Variants in TATDN2 observed in about 807,000 individuals in gnomAD.
TATDN2 encodes the protein 3'-5' RNA nuclease TATDN2.
In TATDN2, 44 loss-of-function variants were observed where a neutral mutation model predicts 60.3. That is an observed-to-expected ratio of 0.73 (90% CI 0.57 to 0.94). The LOEUF (loss-of-function observed/expected upper bound fraction) is 0.94. Among genes scored for constraint, TATDN2 ranks in the 40% least tolerant of loss-of-function variants. The pLI, the probability that TATDN2 is intolerant of heterozygous loss-of-function variation, is 0.00. For missense variants in TATDN2, 997 were observed against 948.0 expected, an observed-to-expected ratio of 1.05 and a Z score of -0.68; for synonymous variants, 399 against 355.8, an observed-to-expected ratio of 1.12 and a Z score of -1.37.
In TATDN2 at chr3:10,278,495, G is replaced by C; in HGVS notation, c.2145+33G>C. 6.2e-7 allele frequency: 1 copy of C among 1,603,316 alleles called. No individual in the cohort carries two copies. Among genetic ancestry groups the C allele is most frequent in the Non-Finnish European group, 8.5e-7 (1 of 1,172,236 alleles). ...GGTCTTCAGGCTGAGTGGAGGCACCGGAGGGAGAGGGTGGGGAGGTGGGTG... is the reference window on the plus strand; with the variant it reads ...GGTCTTCAGGCTGAGTGGAGGCACCCGAGGGAGAGGGTGGGGAGGTGGGTG... On this transcript the variant is annotated intron_variant, in intron 6 of 7. Coordinates refer to ENST00000448281, the MANE Select transcript of TATDN2 (RefSeq NM_014760.4). The surrounding 1 kb of genome is among the most constrained non-coding windows in gnomAD (Gnocchi z 4.7).
intron 4 of TATDN2, among the ~76,000 whole-genome samples, chr3:10,273,322 G>A (rs568966857): frequency 1.4e-4 from 21 of 148,036 alleles, no homozygotes; most frequent in Middle Eastern, 3.5e-3. Context: ...TAAAAAATTT[G>A]GCACCCAAAT....
At chr3:10,255,473 G>T (rs1425620430) in intron 2 of TATDN2, among the ~76,000 whole-genome samples, 1 of 151,930 alleles carries the variant, frequency 6.6e-6, no homozygotes, top group African/African-American at 2.4e-5. Flanking sequence ...TCTGTAAATT[G>T]TAAATCTGTA....
At position 10,262,750 on chromosome 3, in the gene TATDN2, G is replaced by T. The variant is rs188922180; in HGVS notation, c.948+2080G>T. ...GAGTTTCATCATGTTGGCCAGGCTG[G>T]TCTCAAACTTCTGACCTGAGGTGAT... On this transcript the variant is annotated intron_variant, in intron 3 of 7. Coordinates refer to ENST00000448281, the MANE Select transcript of TATDN2 (RefSeq NM_014760.4). 2.0e-5 allele frequency among the ~76,000 whole-genome samples: 3 copies of T among 151,626 alleles called. No individual in the cohort carries two copies. The East Asian group carries it at 5.8e-4, about 29-fold the overall frequency.
chr3:10,250,458 G>T (rs972003816), intron 2 of TATDN2, among the ~76,000 whole-genome samples: 5 of 151,932 alleles, frequency 3.3e-5, no homozygotes, highest in Non-Finnish European at 7.4e-5. Context: ...GAGAAGTTCT[G>T]CCTGTGGAGG....
At position 10,248,493 on chromosome 3, in the gene TATDN2, C is replaced by CCGGAGGGCGGGCGCCA. The variant is rs1698163755; in HGVS notation, c.-574_-559dup. On this transcript the variant is annotated 5_prime_UTR_variant, in exon 1 of 8. Coordinates refer to ENST00000448281, the MANE Select transcript of TATDN2 (RefSeq NM_014760.4). ...CGGCCTGCGGGCCGCAGGGCTCGTT[C>CCGGAGGGCGGGCGCCA]CGGAGGGCGGGCGCCACGGAGGCCG... 2 of 152,248 alleles carry CCGGAGGGCGGGCGCCA rather than the reference C, an allele frequency of 1.3e-5. No individual in the cohort carries two copies. The highest frequency in any genetic ancestry group is 4.8e-5 in the African/African-American group (2 of 41,556). The allele number at this position is 152,248 out of a possible 1,614,324, so 9.4% of individuals were successfully genotyped here.
chr3:10,277,481 G>C (rs1698656030), intron 5 of TATDN2, among the ~76,000 whole-genome samples: 1 of 152,176 alleles, frequency 6.6e-6, no homozygotes, highest in African/African-American at 2.4e-5. Flanking sequence ...GGTGATGCCT[G>C]GCCGGCTCCT....
At chr3:10,272,915 T>C (rs1235622558) in intron 4 of TATDN2, among the ~76,000 whole-genome samples, 5 of 150,716 alleles carry the variant, frequency 3.3e-5, no homozygotes, top group Non-Finnish European at 5.9e-5. Context: ...GGTACATGCC[T>C]GGGGTCCCAG....
rs1444174404 is a variant in TATDN2 at position 10,270,971 on chromosome 3, G to T, written c.1789G>T (p.Asp597Tyr). The T allele has an allele frequency of 1.9e-6, 3 of 1,611,218 alleles. No homozygotes were observed. The highest frequency in any genetic ancestry group is 2.5e-6 in the Non-Finnish European group (3 of 1,178,948). ...KAVAFGEMGL[D>Y]YSYKCTTPVP... ...TGTGGCATTTGGAGAAATGGGCTTG[G>T]ATTACTCTTACAAGTGCACCACGCC... is the stretch of plus-strand genomic sequence containing the variant. The change falls in exon 4 of 8, where the codon GAT (aspartate) becomes TAT (tyrosine). Residue 597 changes from aspartate to tyrosine, a missense_variant. By Grantham distance (160) the Asp-to-Tyr change is radical. Transcript: ENST00000448281.
intron 2 of TATDN2, among the ~76,000 whole-genome samples, chr3:10,258,302 G>C (rs1022826490): frequency 6.6e-6 from 1 of 151,796 alleles, no homozygotes; most frequent in Non-Finnish European, 1.5e-5. Flanking sequence ...GTTTGAGACA[G>C]AGTCTCATTC....
chr3:10,268,338 T>C (rs1698509489), intron 3 of TATDN2, among the ~76,000 whole-genome samples: 1 of 152,170 alleles, frequency 6.6e-6, no homozygotes, highest in Non-Finnish European at 1.5e-5. Context: ...ACATAAACAG[T>C]TTTGTTCCAT....
intron 3 of TATDN2, among the ~76,000 whole-genome samples, chr3:10,266,602 G>T (rs1031536182): frequency 6.6e-6 from 1 of 152,220 alleles, no homozygotes; most frequent in African/African-American, 2.4e-5. Flanking sequence ...TACAGGGTCA[G>T]ATGCATTTTT....
Position 10,269,511 on chromosome 3 carries a change from C to A in TATDN2, c.949-620C>A, listed in dbSNP as rs181728151. ...ATTGCTTGAGTCCAGGAGTTTGAGA[C>A]CAGCCTGGGCAATATAGGGAGACCC... On this transcript the variant is annotated intron_variant, in intron 3 of 7. Coordinates refer to ENST00000448281, the MANE Select transcript of TATDN2 (RefSeq NM_014760.4). 1.8e-3 allele frequency among the ~76,000 whole-genome samples: 269 copies of A among 152,150 alleles called. 1 individual carries two copies. Among genetic ancestry groups the A allele is most frequent in the Middle Eastern group, 0.014 (4 of 294 alleles).
intron 3 of TATDN2, among the ~76,000 whole-genome samples, chr3:10,266,531 A>C (rs1698476652): frequency 6.6e-6 from 1 of 152,218 alleles, no homozygotes; most frequent in Admixed American, 6.5e-5. Context: ...TTTGAACCCC[A>C]GTTTCTTCCT....
At chr3:10,265,197 C>T (rs1174122862) in intron 3 of TATDN2, among the ~76,000 whole-genome samples, 1 of 150,566 alleles carries the variant, frequency 6.6e-6, no homozygotes, top group African/African-American at 2.4e-5. Flanking sequence ...CTGTTTCAGC[C>T]TCCTGAGCAG....
chr3:10,249,510 C>T lies in TATDN2; in HGVS notation c.310C>T (p.Arg104Trp), dbSNP rs755375723. 23 of 1,609,258 alleles carry T rather than the reference C, an allele frequency of 1.4e-5. No homozygotes were observed. The highest frequency in any genetic ancestry group is 1.7e-5 in the Non-Finnish European group (20 of 1,177,724). ...GGCCGCCTCCAAAGGCTGCCTGATT[C>T]GGAACACTCGGGGGTTCCTGTCTTC... ...GGAASKGCLI[R>W]NTRGFLSSGG... The change falls in exon 2 of 8, where the codon CGG (arginine) becomes TGG (tryptophan). Residue 104 changes from arginine to tryptophan, a missense_variant. Coordinates refer to ENST00000448281, the MANE Select transcript of TATDN2 (RefSeq NM_014760.4).
chr3:10,271,785 A>T (rs1698569393), intron 4 of TATDN2, among the ~76,000 whole-genome samples: 1 of 151,096 alleles, frequency 6.6e-6, no homozygotes, highest in African/African-American at 2.4e-5. Flanking sequence ...ATCTCGGCTC[A>T]CTGCGGCCTC....
rs1318994105 is a variant in TATDN2 at position 10,248,802 on chromosome 3, C to G, written c.-272C>G. The G allele has an allele frequency of 4.2e-5, 6 of 142,468 alleles. No individual in the cohort carries two copies. The highest frequency in any genetic ancestry group is 8.7e-5 in the Non-Finnish European group (6 of 69,072). The allele number at this position is 142,468 out of a possible 1,614,324, so 8.8% of individuals were successfully genotyped here. ...CGGCAGCCATGTGTGGATCTTGAAG[C>G]GCCATGTGGTCTTCTGAAGCGCTTG... On this transcript the variant is annotated 5_prime_UTR_variant, in exon 1 of 8. Transcript: ENST00000448281.
rs956939180 is a variant in TATDN2 at position 10,278,309 on chromosome 3, T to G, written c.1992T>G (p.Ile664Met). 25 of 1,614,144 alleles carry G rather than the reference T, an allele frequency of 1.5e-5. No individual in the cohort carries two copies. Among genetic ancestry groups the G allele is most frequent in the Non-Finnish European group, 1.9e-5 (23 of 1,179,988 alleles). The change falls in exon 6 of 8, where the codon ATT becomes ATG. Residue 664 changes from isoleucine (I) to methionine (M), a missense_variant. Physicochemically the swap from Ile to Met is conservative, Grantham distance 10. Transcript: ENST00000448281. This position sits in a 1 kb window ranked among gnomAD's most constrained non-coding sequence, Gnocchi z 4.7. Reference protein sequence around the residue: ...RHCFTGSYPVIEPLLKYFPNM... With the variant: ...RHCFTGSYPVMEPLLKYFPNM... ...GCTTCACCGGCAGCTACCCGGTCAT[T>G]GAGCCCCTGCTGAAGTACTTTCCCA... is the stretch of plus-strand genomic sequence containing the variant.
At chr3:10,259,371 A>G (rs896090878) in intron 2 of TATDN2, among the ~76,000 whole-genome samples, 3 of 152,258 alleles carry the variant, frequency 2.0e-5, no homozygotes, top group African/African-American at 7.2e-5. Flanking sequence ...TGCTTATGGA[A>G]TGGCCTTAGG....
Sources: allele counts gnomAD v4.1 joint callset (sites outside exome capture counted in the v4.1 genomes callset), GRCh38; gene constraint gnomAD v4.1.1; non-coding constraint Gnocchi (gnomAD v3.1); transcripts MANE v1.5; gene names NCBI Gene and HGNC (gene_info 2026-07-23, HGNC 2026-07-21).